PACRG: variants seen among roughly 807,000 people sequenced by gnomAD.
The protein encoded by PACRG is parkin coregulated, also known as parkin coregulated gene protein.
In PACRG, 29 loss-of-function variants were observed where a neutral mutation model predicts 29.7. The observed-to-expected ratio is 0.98, with a 90% CI of 0.73 to 1.33. The LOEUF is 1.33. Ranked by LOEUF, PACRG falls within the 40% of genes most tolerant of loss-of-function variation. PACRG has a pLI of 0.00. For missense variants in PACRG, 279 were observed against 316.2 expected (o/e 0.88, Z 0.89); for synonymous variants, 116 against 118.7 (o/e 0.98, Z 0.15).
rs535382560 is a variant in PACRG, at chr6:163,292,184, A to T, written c.614-22643A>T. Among the ~76,000 whole-genome samples, 4 of 152,300 alleles carry T rather than the reference A, an allele frequency of 2.6e-5. No individual in the cohort carries two copies. In the East Asian group the frequency reaches 7.7e-4, roughly 29 times the overall value. On this transcript the variant is annotated intron_variant, in intron 4 of 4. Coordinates refer to ENST00000366888, the MANE Select transcript of PACRG (RefSeq NM_001080379.2). Reference sequence around the variant, plus strand: ...AACGTGCGGTGGTGGCAACAGAAACAGAAAGGAAGACCGACCTCGACAGTC... The same window carrying T: ...AACGTGCGGTGGTGGCAACAGAAACTGAAAGGAAGACCGACCTCGACAGTC...
chr6:163,263,037 C>A (rs1345720611), intron 4 of PACRG, among the ~76,000 whole-genome samples: 11 of 150,674 alleles, frequency 7.3e-5, no homozygotes, highest in African/African-American at 2.7e-4. Flanking sequence ...GGCAACCGAA[C>A]AAGACTCTCC....
At chr6:162,872,329 T>G (rs963313441) in intron 2 of PACRG, among the ~76,000 whole-genome samples, 1 of 152,240 alleles carries the variant, frequency 6.6e-6, no homozygotes, top group Non-Finnish European at 1.5e-5. Flanking sequence ...TTTTAAAATA[T>G]CTTCATTCTG....
At chr6:162,939,120 C>T (rs1366080627) in intron 2 of PACRG, among the ~76,000 whole-genome samples, 2 of 152,048 alleles carry the variant, frequency 1.3e-5, no homozygotes, top group Non-Finnish European at 2.9e-5. Context: ...TACTTACAGC[C>T]AACTGATCTT....
intron 4 of PACRG, among the ~76,000 whole-genome samples, chr6:163,273,452 T>C (rs896758975): frequency 7.2e-5 from 11 of 152,194 alleles, no homozygotes. Context: ...TAGCGACTTT[T>C]TCTTTTTGAT....
At chr6:163,264,275 CA>C (rs1282993757) in intron 4 of PACRG, among the ~76,000 whole-genome samples, 1 of 152,224 alleles carries the variant, frequency 6.6e-6, no homozygotes, top group African/African-American at 2.4e-5. Flanking sequence ...CTGCACTGGG[CA>C]AGGCTGATTT....
rs116444894 is a variant in PACRG at position 163,085,523 on chromosome 6, A to G, written c.464-3736A>G. On this transcript the variant is annotated intron_variant, in intron 3 of 4. Coordinates refer to ENST00000366888, the MANE Select transcript of PACRG (RefSeq NM_001080379.2). ...CAGCACTTCCAAACGATCCCAAGAA[A>G]GACACACTCCCAGTGACACATCCAG... Among the ~76,000 whole-genome samples, 771 of 152,326 alleles carry G rather than the reference A, an allele frequency of 5.1e-3. 5 individuals are homozygous for G. The highest frequency in any genetic ancestry group is 0.018 in the African/African-American group (744 of 41,564).
chr6:163,310,675 A>T (rs1785378444), intron 4 of PACRG: 1 of 152,174 alleles, frequency 6.6e-6, no homozygotes, highest in Non-Finnish European at 1.5e-5. Context: ...CTCCTGTAAT[A>T]GTCATAACTA....
chr6:162,831,552 A>G (rs539417140), intron 2 of PACRG, among the ~76,000 whole-genome samples: 7 of 152,164 alleles, frequency 4.6e-5, no homozygotes, highest in East Asian at 1.9e-4. Context: ...GATTTGTTAC[A>G]TAGGTAAATG....
intron 2 of PACRG, among the ~76,000 whole-genome samples, chr6:162,918,720 G>A (rs1220721848): frequency 6.6e-6 from 1 of 152,172 alleles, no homozygotes; most frequent in African/African-American, 2.4e-5. Context: ...AATACAAAAT[G>A]TTCAGTTGAT....
intron 2 of PACRG, among the ~76,000 whole-genome samples, chr6:163,031,774 C>T (rs945824187): frequency 6.6e-6 from 1 of 152,102 alleles, no homozygotes; most frequent in African/African-American, 2.4e-5. Context: ...GGGTAAATTC[C>T]TTTTTCTGAG....
intron 2 of PACRG, among the ~76,000 whole-genome samples, chr6:163,049,283 A>G (rs1232526247): frequency 6.6e-6 from 1 of 152,094 alleles, no homozygotes; most frequent in Non-Finnish European, 1.5e-5. Context: ...ACAACTGGAT[A>G]TGACCTAAAA....
intron 2 of PACRG, among the ~76,000 whole-genome samples, chr6:162,897,837 G>A (rs1428675327): frequency 6.6e-6 from 1 of 152,194 alleles, no homozygotes; most frequent in Non-Finnish European, 1.5e-5. Context: ...GTTTAGCCCT[G>A]GACCATTCTG....
At chr6:162,955,232 G>A (rs926705872) in intron 2 of PACRG, among the ~76,000 whole-genome samples, 1 of 152,184 alleles carries the variant, frequency 6.6e-6, no homozygotes, top group African/African-American at 2.4e-5. Flanking sequence ...AAGCAGGAGA[G>A]AGGGGAAGCA....
intron 1 of PACRG, among the ~76,000 whole-genome samples, chr6:162,785,265 T>A (rs1479515673): frequency 6.6e-6 from 1 of 150,412 alleles, no homozygotes; most frequent in Non-Finnish European, 1.5e-5. Context: ...GAGAAGGAAA[T>A]CAATTTAGGT....
At chr6:162,795,817 A>C (rs1415036412) in intron 1 of PACRG, among the ~76,000 whole-genome samples, 1 of 152,102 alleles carries the variant, frequency 6.6e-6, no homozygotes, top group East Asian at 1.9e-4. Flanking sequence ...CATTTATTAC[A>C]TTTTTCCCAT....
intron 4 of PACRG, among the ~76,000 whole-genome samples, chr6:163,115,713 G>C (rs1815955284): frequency 6.6e-6 from 1 of 152,132 alleles, no homozygotes; most frequent in Admixed American, 6.5e-5. Flanking sequence ...AATCCAACCA[G>C]GCCCAGAGAG....
chr6:162,869,985 C>T (rs912437840), intron 2 of PACRG, among the ~76,000 whole-genome samples: 1 of 152,078 alleles, frequency 6.6e-6, no homozygotes, highest in African/African-American at 2.4e-5. Flanking sequence ...AAAAAGGAGG[C>T]AAATTATAGA....
At chr6:162,897,886 G>C (rs1216057877) in intron 2 of PACRG, among the ~76,000 whole-genome samples, 3 of 152,182 alleles carry the variant, frequency 2.0e-5, no homozygotes, top group African/African-American at 7.2e-5. Context: ...CGGGAGGCAG[G>C]GCACTCAGGG....
At chr6:163,074,153 A>G (rs906866297) in intron 3 of PACRG, among the ~76,000 whole-genome samples, 2 of 152,230 alleles carry the variant, frequency 1.3e-5, no homozygotes, top group Non-Finnish European at 2.9e-5. Flanking sequence ...CACAATAACC[A>G]AGATTTGGAA....
Sources: allele counts gnomAD v4.1 joint callset (sites outside exome capture counted in the v4.1 genomes callset), GRCh38; gene constraint gnomAD v4.1.1; transcripts MANE v1.5; gene names NCBI Gene and HGNC (gene_info 2026-07-23, HGNC 2026-07-21).